Variants in AUTS2 observed in about 807,000 individuals in gnomAD.
AUTS2 encodes activator of transcription and developmental regulator AUTS2.
In AUTS2, 17 loss-of-function variants were observed where a neutral mutation model predicts 112.4. The ratio of observed to expected loss-of-function variants is 0.15; its 90% CI spans 0.10 to 0.23. AUTS2 has a LOEUF of 0.23. AUTS2 is among the 10% of genes least tolerant of loss of function. The pLI is 1.00. For missense variants in AUTS2, 1,510 were observed against 1,701.6 expected (o/e 0.89, Z 1.98); for synonymous variants, 751 against 702.7 (o/e 1.07, Z -1.09).
At chr7:70,264,358 C>G (rs1787316685) in intron 4 of AUTS2, among the ~76,000 whole-genome samples, 1 of 152,136 alleles carries the variant, frequency 6.6e-6, no homozygotes, top group Non-Finnish European at 1.5e-5. Context: ...CAGGCATGCA[C>G]CACTACACCC....
chr7:69,810,512 G>GC (rs1554377242), intron 1 of AUTS2, among the ~76,000 whole-genome samples: 8 of 151,092 alleles, frequency 5.3e-5, no homozygotes, highest in Non-Finnish European at 1.2e-4. Context: ...GGGAGCCTCA[G>GC]TTTTTTTTTG....
chr7:69,715,119 T>G (rs1173353527), intron 1 of AUTS2, among the ~76,000 whole-genome samples: 1 of 150,856 alleles, frequency 6.6e-6, no homozygotes, highest in Non-Finnish European at 1.5e-5. Flanking sequence ...CCAGAGGAGG[T>G]CATTTACCAC....
chr7:69,908,595 C>T (rs1369800960), intron 2 of AUTS2, among the ~76,000 whole-genome samples: 1 of 152,186 alleles, frequency 6.6e-6, no homozygotes, highest in Non-Finnish European at 1.5e-5. Context: ...GAACATTATA[C>T]CTGCATTCAT....
intron 3 of AUTS2, among the ~76,000 whole-genome samples, chr7:70,131,017 T>TA (rs887710416): frequency 5.9e-5 from 9 of 152,142 alleles, no homozygotes; most frequent in Non-Finnish European, 1.3e-4. Context: ...TTTCTTTCCT[T>TA]AAAAAAACAT....
At chr7:69,864,914 T>C (rs541762226) in intron 1 of AUTS2, among the ~76,000 whole-genome samples, 1 of 152,214 alleles carries the variant, frequency 6.6e-6, no homozygotes, top group South Asian at 2.1e-4. Context: ...TGTAGGATCG[T>C]ATTTTACTTA....
At position 70,533,916 on chromosome 7, in the gene AUTS2, G is replaced by A. The variant is rs189563299; in HGVS notation, c.690+98135G>A. 3.2e-4 allele frequency among the ~76,000 whole-genome samples: 48 copies of A among 152,306 alleles called. 2 individuals are homozygous for A. The highest frequency in any genetic ancestry group is 1.1e-3 in the African/African-American group (47 of 41,578). ...CAGTGGGCTTCCTTGGGTGCTGGAAGTACAGTCAGGGAACCCTTGTTCTGT... is the reference window on the plus strand; with the variant it reads ...CAGTGGGCTTCCTTGGGTGCTGGAAATACAGTCAGGGAACCCTTGTTCTGT... On this transcript the variant is annotated intron_variant, in intron 5 of 18. Coordinates refer to ENST00000342771, the MANE Select transcript of AUTS2 (RefSeq NM_015570.4).
At chr7:70,134,957 C>A (rs1245321448) in intron 4 of AUTS2, among the ~76,000 whole-genome samples, 2 of 152,140 alleles carry the variant, frequency 1.3e-5, no homozygotes, top group African/African-American at 2.4e-5. Flanking sequence ...TGAATAACAT[C>A]TCTTCATATA....
At chr7:70,728,434 G>A (rs577147025) in intron 6 of AUTS2, among the ~76,000 whole-genome samples, 239 of 152,086 alleles carry the variant, frequency 1.6e-3, no homozygotes, top group Non-Finnish European at 2.8e-3. Context: ...GGCCGGGCAT[G>A]GTGGTGGCTC....
intron 5 of AUTS2, among the ~76,000 whole-genome samples, chr7:70,577,900 A>G (rs535157965): frequency 6.6e-6 from 1 of 151,212 alleles, no homozygotes; most frequent in African/African-American, 2.4e-5. Flanking sequence ...GCGTGATCTC[A>G]GCTCACTGCA....
chr7:70,711,556 G>A (rs893426584), intron 6 of AUTS2, among the ~76,000 whole-genome samples: 1 of 152,226 alleles, frequency 6.6e-6, no homozygotes, highest in African/African-American at 2.4e-5. Context: ...TGCCATCAGT[G>A]TCGGAGCACA....
chr7:69,962,922 G>C (rs1797489500), intron 2 of AUTS2, among the ~76,000 whole-genome samples: 1 of 152,078 alleles, frequency 6.6e-6, no homozygotes, highest in African/African-American at 2.4e-5. Context: ...GCTGAGAAAA[G>C]GGAAAGTCCT....
chr7:69,810,766 G>A (rs1032138808), intron 1 of AUTS2, among the ~76,000 whole-genome samples: 11 of 152,172 alleles, frequency 7.2e-5, no homozygotes, highest in South Asian at 2.1e-4. Context: ...ACATTCTGAC[G>A]TTGAGTAAGT....
At chr7:70,706,553 C>G (rs948776796) in intron 6 of AUTS2, among the ~76,000 whole-genome samples, 4 of 152,190 alleles carry the variant, frequency 2.6e-5, no homozygotes, top group Non-Finnish European at 5.9e-5. Flanking sequence ...TTGCCTCTTA[C>G]TGTGTTAATG....
chr7:70,449,999 T>A (rs1796465143), intron 5 of AUTS2, among the ~76,000 whole-genome samples: 1 of 152,208 alleles, frequency 6.6e-6, no homozygotes, highest in Non-Finnish European at 1.5e-5. Flanking sequence ...GAAACTTCTT[T>A]GTCCAAAGGG....
chr7:70,134,688 G>T (rs1438065849), intron 4 of AUTS2, 117 bp downstream of exon 4: 1 of 934,362 alleles, frequency 1.1e-6, no homozygotes, highest in Non-Finnish European at 1.7e-6. Flanking sequence ...GTCCTAAAGA[G>T]CAGACTGATT....
At chr7:69,848,493 T>C (rs1177651432) in intron 1 of AUTS2, among the ~76,000 whole-genome samples, 1 of 152,194 alleles carries the variant, frequency 6.6e-6, no homozygotes, top group Non-Finnish European at 1.5e-5. Flanking sequence ...TGCGTGTGTG[T>C]TTGTGTGTGT....
chr7:70,784,533 C>T (rs893705986), intron 15 of AUTS2: 1 of 172,628 alleles, frequency 5.8e-6, no homozygotes, highest in African/African-American at 2.4e-5. Context: ...CTAAGAAGCC[C>T]TTCAGTAAAG....
chr7:70,689,731 A>C (rs1808656280), intron 5 of AUTS2, among the ~76,000 whole-genome samples: 1 of 141,400 alleles, frequency 7.1e-6, no homozygotes, highest in African/African-American at 2.7e-5. Flanking sequence ...AGCCAAGATC[A>C]CACCACTGCA....
At chr7:70,422,318 C>T (rs1795257334) in intron 4 of AUTS2, among the ~76,000 whole-genome samples, 1 of 152,202 alleles carries the variant, frequency 6.6e-6, no homozygotes, top group South Asian at 2.1e-4. Context: ...GTCCCTCTTC[C>T]TGCTCAATTC....
Sources: allele counts gnomAD v4.1 joint callset (sites outside exome capture counted in the v4.1 genomes callset), GRCh38; gene constraint gnomAD v4.1.1; transcripts MANE v1.5; gene names NCBI Gene and HGNC (gene_info 2026-07-23, HGNC 2026-07-21).